Variants in LEF1 observed in about 807,000 individuals in gnomAD.
LEF1 encodes the protein lymphoid enhancer binding factor 1, also known as lymphoid enhancer-binding factor 1.
In LEF1, 14 loss-of-function variants were observed where a neutral mutation model predicts 51.2. The observed-to-expected ratio is 0.27, with a 90% confidence interval of 0.18 to 0.43. The LOEUF is 0.43. Ranked by LOEUF, LEF1 falls within the 20% of genes least tolerant of loss-of-function variation. The probability of loss-of-function intolerance (pLI) is 1.00; values close to 1 mark genes in which losing one functional copy is unlikely to be tolerated. For synonymous variants in LEF1, 185 were observed against 183.2 expected, an observed-to-expected ratio of 1.01 and a Z score of -0.08; for missense variants, 386 against 512.0, an observed-to-expected ratio of 0.75 and a Z score of 2.37.
At chr4:108,115,404 A>G (rs1741771661) in intron 3 of LEF1, among the ~76,000 whole-genome samples, 1 of 152,198 alleles carries the variant, frequency 6.6e-6, no homozygotes, top group African/African-American at 2.4e-5. Flanking sequence ...AACCTTGAGA[A>G]AATTTCTTTT....
chr4:108,078,043 CTCA>C (rs1247417513), intron 8 of LEF1, among the ~76,000 whole-genome samples, 174 bp downstream of exon 8: 3 of 64,854 alleles, frequency 4.6e-5, no homozygotes. Context: ...GAGACGCTGT[CTCA>C]AAAAAAAAGA....
At chr4:108,161,289 G>C (rs1238267040) in intron 3 of LEF1, among the ~76,000 whole-genome samples, 1 of 152,236 alleles carries the variant, frequency 6.6e-6, no homozygotes, top group Non-Finnish European at 1.5e-5. Context: ...TGTGGTTACA[G>C]CTGAAAAGCT....
chr4:108,063,756 G>T, intron 10 of LEF1, 93 bp from the exon 11 acceptor site: 1 of 852,796 alleles, frequency 1.2e-6, no homozygotes, highest in Non-Finnish European at 1.9e-6. Flanking sequence ...GAACTTGTTT[G>T]CTTTACTTTT....
chr4:108,118,776 T>C (rs952165601), intron 3 of LEF1, among the ~76,000 whole-genome samples: 3 of 152,184 alleles, frequency 2.0e-5, no homozygotes, highest in African/African-American at 7.2e-5. Context: ...TGAACCTGTG[T>C]GGTTAATTAG....
At chr4:108,146,096 C>G (rs1379453739) in intron 3 of LEF1, among the ~76,000 whole-genome samples, 3 of 152,142 alleles carry the variant, frequency 2.0e-5, no homozygotes, top group African/African-American at 7.2e-5. Flanking sequence ...TCCTCCTATC[C>G]CAATTAAACA....
intron 3 of LEF1, among the ~76,000 whole-genome samples, chr4:108,091,788 T>A (rs1237227185): frequency 1.3e-5 from 2 of 152,158 alleles, no homozygotes; most frequent in Non-Finnish European, 2.9e-5. Flanking sequence ...TGGGTAGATG[T>A]GAGGATAGGA....
At chr4:108,074,101 G>C (rs1263585843) in intron 8 of LEF1, among the ~76,000 whole-genome samples, 1 of 152,102 alleles carries the variant, frequency 6.6e-6, no homozygotes, top group African/African-American at 2.4e-5. Flanking sequence ...TTACCAAAAT[G>C]AACAGTAGAT....
At chr4:108,100,482 T>C (rs559229316) in intron 3 of LEF1, among the ~76,000 whole-genome samples, 34 of 152,346 alleles carry the variant, frequency 2.2e-4, no homozygotes, top group Non-Finnish European at 4.3e-4. Flanking sequence ...TTGTTCCATG[T>C]ATTAAAAATA....
chr4:108,086,494 C>G (rs937570513), intron 4 of LEF1, among the ~76,000 whole-genome samples: 1 of 152,110 alleles, frequency 6.6e-6, no homozygotes. Context: ...TAGGTAACTT[C>G]TATAGACATA....
At chr4:108,065,205 G>A (rs1578297148) in intron 9 of LEF1, among the ~76,000 whole-genome samples, 1 of 152,146 alleles carries the variant, frequency 6.6e-6, no homozygotes, top group Non-Finnish European at 1.5e-5. Context: ...AATAATTTTA[G>A]GCTGGGTGTG....
chr4:108,123,372 T>C (rs926459552), intron 3 of LEF1, among the ~76,000 whole-genome samples: 3 of 152,074 alleles, frequency 2.0e-5, no homozygotes, highest in South Asian at 2.1e-4. Flanking sequence ...TAGGTTTATT[T>C]CTAGTTTGCC....
At chr4:108,156,723 G>A (rs1273529353) in intron 3 of LEF1, among the ~76,000 whole-genome samples, 1 of 151,934 alleles carries the variant, frequency 6.6e-6, no homozygotes, top group Non-Finnish European at 1.5e-5. Context: ...TTTATTGTAA[G>A]GTTTCCAGGA....
chr4:108,060,298 A>T (rs887747501), intron 11 of LEF1, among the ~76,000 whole-genome samples: 3 of 152,162 alleles, frequency 2.0e-5, no homozygotes, highest in Non-Finnish European at 4.4e-5. Context: ...TTAGGAAATA[A>T]AAAAAGAGAT....
chr4:108,107,679 T>C (rs917730089), intron 3 of LEF1, among the ~76,000 whole-genome samples: 1 of 152,194 alleles, frequency 6.6e-6, no homozygotes, highest in Non-Finnish European at 1.5e-5. Context: ...CATCTTTTTG[T>C]CACTCTCTGA....
intron 3 of LEF1, among the ~76,000 whole-genome samples, chr4:108,092,028 C>T (rs1560783377): frequency 6.6e-6 from 1 of 152,192 alleles, no homozygotes; most frequent in Non-Finnish European, 1.5e-5. Context: ...CAGAGCACCA[C>T]CTTAAGGAAC....
chr4:108,108,137 G>C (rs1741290384), intron 3 of LEF1, among the ~76,000 whole-genome samples: 1 of 152,216 alleles, frequency 6.6e-6, no homozygotes, highest in Admixed American at 6.5e-5. Context: ...ACTCTGGAAA[G>C]TGTATAGTTA....
chr4:108,124,701 G>T (rs1027324859), intron 3 of LEF1, among the ~76,000 whole-genome samples: 1 of 152,072 alleles, frequency 6.6e-6, no homozygotes. Flanking sequence ...ATCCAAGTAG[G>T]AAAGACAAGG....
intron 3 of LEF1, among the ~76,000 whole-genome samples, chr4:108,157,179 T>TACACACACAC (rs59867246): frequency 0.059 from 6,892 of 116,556 alleles, 256 homozygotes; most frequent in Middle Eastern, 0.078. Context: ...TATATATATA[T>TACACACACAC]ACACACACAC....
rs1013346788 is a variant in LEF1, at chr4:108,115,528, C to T, written c.415-26271G>A. Reference sequence around the variant, plus strand: ...TCTCAAAAATAAATAGTAGCTGATGCCACAGAATAGATAATTGCTATCAAA... The same window carrying T: ...TCTCAAAAATAAATAGTAGCTGATGTCACAGAATAGATAATTGCTATCAAA... On this transcript the variant is annotated intron_variant, in intron 3 of 11. Transcript: ENST00000265165. Among the ~76,000 whole-genome samples, 3 of 152,074 alleles carry T rather than the reference C, an allele frequency of 2.0e-5. No homozygotes were observed. The East Asian group carries it at 5.8e-4, about 29-fold the overall frequency.
Sources: allele counts gnomAD v4.1 joint callset (sites outside exome capture counted in the v4.1 genomes callset), GRCh38; gene constraint gnomAD v4.1.1; transcripts MANE v1.5; gene names NCBI Gene and HGNC (gene_info 2026-07-23, HGNC 2026-07-21).